EIF2B3: variants seen among roughly 807,000 people sequenced by gnomAD.
The protein encoded by EIF2B3 is eukaryotic translation initiation factor 2B subunit gamma.
A neutral mutation model predicts 54.1 loss-of-function variants in EIF2B3; 20 were observed. That is an observed-to-expected ratio of 0.37 (90% CI 0.26 to 0.54). EIF2B3 has a LOEUF of 0.54. EIF2B3 is among the 20% of genes least tolerant of loss of function. The pLI is 0.86. For missense variants in EIF2B3, 448 were observed against 547.8 expected (o/e 0.82, Z 1.82); for synonymous variants, 153 against 188.1 (o/e 0.81, Z 1.52).
chr1:44,941,481 C>T, intron 4 of EIF2B3, 25 bp downstream of exon 4: 1 of 1,585,180 alleles, frequency 6.3e-7, no homozygotes, highest in Non-Finnish European at 8.6e-7. Context: ...ACTCAACAAA[C>T]AAAACAAACT....
chr1:44,939,978 C>G (rs924074774), intron 4 of EIF2B3, among the ~76,000 whole-genome samples: 2 of 152,030 alleles, frequency 1.3e-5, no homozygotes, highest in Non-Finnish European at 2.9e-5. Context: ...AAAGCAGAAA[C>G]TATATGAAGA....
intron 6 of EIF2B3, among the ~76,000 whole-genome samples, chr1:44,896,780 G>GAC (rs1655986250): frequency 6.6e-6 from 1 of 152,202 alleles, no homozygotes; most frequent in African/African-American, 2.4e-5. Context: ...TGATCTGCCA[G>GAC]ACACAATCTC....
chr1:44,937,976 C>T (rs1034382087), intron 4 of EIF2B3, among the ~76,000 whole-genome samples: 2 of 110,608 alleles, frequency 1.8e-5, no homozygotes, highest in Non-Finnish European at 3.6e-5. Context: ...TTTGATCCTG[C>T]CCTCTTAGTA....
chr1:44,882,928 C>CTTTTT (rs1003449669), intron 6 of EIF2B3, among the ~76,000 whole-genome samples: 34 of 114,450 alleles, frequency 3.0e-4, no homozygotes, highest in Middle Eastern at 4.9e-3. Flanking sequence ...TTTTCTTTTT[C>CTTTTT]TTTTTTTTTT....
chr1:44,978,621 CTTTTTTTTTTTTT>C (rs57964686), intron 2 of EIF2B3, among the ~76,000 whole-genome samples, 161 bp from the exon 3 acceptor site: 24 of 76,642 alleles, frequency 3.1e-4, no homozygotes, highest in East Asian at 2.8e-3. Context: ...CCAATAAATT[CTTTTTTTTTTTTT>C]TTTTTTTTTT....
At chr1:44,918,072 CTT>C (rs3074632) in intron 5 of EIF2B3, among the ~76,000 whole-genome samples, 25 of 88,616 alleles carry the variant, frequency 2.8e-4, no homozygotes, top group African/African-American at 9.5e-4. Flanking sequence ...TGTGCCCAGC[CTT>C]TTTTTTTTTT....
chr1:44,964,283 T>C (rs531637136), intron 3 of EIF2B3, among the ~76,000 whole-genome samples: 6 of 152,144 alleles, frequency 3.9e-5, no homozygotes, highest in Non-Finnish European at 7.3e-5. Context: ...ACCAAAGCAG[T>C]CTTAAGGAAC....
chr1:44,850,858 T>G lies in EIF2B3; in HGVS notation c.*93A>C. Reference sequence around the variant, plus strand: ...TCCAGCATGCCTTTGGAAGCCCTTCTTTATTGGGAAATAAATACAGAGTTA... The same window carrying G: ...TCCAGCATGCCTTTGGAAGCCCTTCGTTATTGGGAAATAAATACAGAGTTA... On this transcript the variant is annotated 3_prime_UTR_variant, in exon 12 of 12. Coordinates refer to ENST00000360403, the MANE Select transcript of EIF2B3 (RefSeq NM_020365.5). The G allele has an allele frequency of 6.8e-7, 1 of 1,460,546 alleles. No individual in the cohort carries two copies. Among genetic ancestry groups the G allele is most frequent in the Non-Finnish European group, 9.6e-7 (1 of 1,041,646 alleles). The allele number at this position is 1,460,546 out of a possible 1,614,324, so 90.5% of individuals were successfully genotyped here.
At chr1:44,865,460 G>C (rs867452638) in intron 10 of EIF2B3, among the ~76,000 whole-genome samples, 1 of 151,876 alleles carries the variant, frequency 6.6e-6, no homozygotes, top group African/African-American at 2.4e-5. Context: ...GGTATGAGTA[G>C]GTTATTTCAT....
At chr1:44,973,885 T>C (rs1003534509) in intron 3 of EIF2B3, among the ~76,000 whole-genome samples, 3 of 152,108 alleles carry the variant, frequency 2.0e-5, no homozygotes, top group Non-Finnish European at 2.9e-5. Flanking sequence ...TGGAGGGTGG[T>C]AATGGTTGCA....
intron 6 of EIF2B3, among the ~76,000 whole-genome samples, chr1:44,883,461 T>G (rs1341525009): frequency 6.6e-6 from 1 of 152,094 alleles, no homozygotes; most frequent in Non-Finnish European, 1.5e-5. Context: ...TTAAGATGTC[T>G]TTTCTGACTT....
chr1:44,901,926 C>T lies in EIF2B3; in HGVS notation c.567-4482G>A, dbSNP rs188478289. On this transcript the variant is annotated intron_variant, in intron 5 of 11. Coordinates refer to ENST00000360403, the MANE Select transcript of EIF2B3 (RefSeq NM_020365.5). ...TTTTTAAGAAATAAAATCTATACAA[C>T]TCTTACAGTTTTAGCTCTCATGTTA... 1.8e-3 allele frequency among the ~76,000 whole-genome samples: 275 copies of T among 152,270 alleles called. 1 individual carries two copies. The highest frequency in any genetic ancestry group is 6.3e-3 in the African/African-American group (262 of 41,548).
intron 11 of EIF2B3, among the ~76,000 whole-genome samples, chr1:44,852,069 C>T (rs1008906244): frequency 6.6e-6 from 1 of 152,124 alleles, no homozygotes; most frequent in African/African-American, 2.4e-5. Flanking sequence ...CCGCCTCAGC[C>T]TCCCCAGTAG....
chr1:44,882,965 TG>T (rs1421086172), intron 6 of EIF2B3, among the ~76,000 whole-genome samples: 2 of 146,692 alleles, frequency 1.4e-5, no homozygotes, highest in Admixed American at 6.8e-5. Flanking sequence ...AGTCTCGCTC[TG>T]TGGCCCAGGC....
chr1:44,975,210 T>C (rs1310073334), intron 3 of EIF2B3, among the ~76,000 whole-genome samples: 1 of 151,474 alleles, frequency 6.6e-6, no homozygotes, highest in Non-Finnish European at 1.5e-5. Context: ...AGCAAGGCTG[T>C]CTCAAGAAAA....
intron 5 of EIF2B3, among the ~76,000 whole-genome samples, chr1:44,922,566 T>G: frequency 7.8e-6 from 1 of 128,020 alleles, no homozygotes; most frequent in Admixed American, 9.6e-5. Context: ...TAGCCTGGGA[T>G]ATAGAGCGAG....
intron 6 of EIF2B3, among the ~76,000 whole-genome samples, chr1:44,886,971 A>C (rs1440170744): frequency 6.6e-6 from 1 of 152,192 alleles, no homozygotes; most frequent in East Asian, 1.9e-4. Flanking sequence ...GAGCTTTAAC[A>C]ACCCCAGGAG....
At chr1:44,862,335 G>C (rs1654634527) in intron 10 of EIF2B3, among the ~76,000 whole-genome samples, 1 of 152,172 alleles carries the variant, frequency 6.6e-6, no homozygotes, top group African/African-American at 2.4e-5. Flanking sequence ...CACAGAGGCA[G>C]GCTTTGCAAA....
chr1:44,983,249 T>C (rs1644533631), intron 1 of EIF2B3, among the ~76,000 whole-genome samples: 1 of 152,260 alleles, frequency 6.6e-6, no homozygotes, highest in Non-Finnish European at 1.5e-5. Context: ...TACTTTCTCT[T>C]ACAATGATGT....
Sources: allele counts gnomAD v4.1 joint callset (sites outside exome capture counted in the v4.1 genomes callset), GRCh38; gene constraint gnomAD v4.1.1; transcripts MANE v1.5; gene names NCBI Gene and HGNC (gene_info 2026-07-23, HGNC 2026-07-21).